SNX24: variants seen among roughly 807,000 people sequenced by gnomAD.
SNX24 encodes sorting nexin 24, also known as sorting nexin-24.
In SNX24, 22 loss-of-function variants were observed where a neutral mutation model predicts 28.7. The observed-to-expected ratio is 0.77, with a 90% confidence interval of 0.55 to 1.10. The LOEUF (loss-of-function observed/expected upper bound fraction) is 1.10, where lower values mean the gene tolerates loss of function less well. Ranked by LOEUF, SNX24 falls within the 50% of genes least tolerant of loss-of-function variation. The pLI is 0.00. For missense variants in SNX24, 221 were observed against 201.1 expected, an observed-to-expected ratio of 1.10 and a Z score of -0.60; for synonymous variants, 69 against 71.5, an observed-to-expected ratio of 0.96 and a Z score of 0.18.
chr5:122,876,402 A>G (rs1344095490), intron 1 of SNX24, among the ~76,000 whole-genome samples: 1 of 152,198 alleles, frequency 6.6e-6, no homozygotes. Context: ...TATATTGGTA[A>G]TGCTGTAAGA....
At chr5:122,856,017 G>T (rs1044319490) in intron 1 of SNX24, among the ~76,000 whole-genome samples, 2 of 152,022 alleles carry the variant, frequency 1.3e-5, no homozygotes, top group African/African-American at 4.8e-5. Context: ...TTGTTATATG[G>T]GTAAATTGCA....
chr5:122,873,726 A>G lies in SNX24; in HGVS notation c.60+28033A>G, dbSNP rs138620336. Among the ~76,000 whole-genome samples the G allele has an allele frequency of 7.0e-3, 1,054 of 150,746 alleles. 14 individuals carry two copies. Among genetic ancestry groups the G allele is most frequent in the African/African-American group, 0.025 (1,010 of 41,088 alleles). On this transcript the variant is annotated intron_variant, in intron 1 of 6. Coordinates refer to ENST00000261369, the MANE Select transcript of SNX24 (RefSeq NM_014035.4). ...CTTTCGGTAGTTTTCTTTTGAAGAA[A>G]TGCCAGCACTCTCTTTCATCTTTCA...
chr5:122,878,757 A>C (rs1282737240), intron 1 of SNX24, among the ~76,000 whole-genome samples: 1 of 152,158 alleles, frequency 6.6e-6, no homozygotes, highest in Non-Finnish European at 1.5e-5. Flanking sequence ...GGATTACTTG[A>C]GGCCAGCAGT....
At chr5:122,892,466 T>A (rs1005273119) in intron 1 of SNX24, among the ~76,000 whole-genome samples, 1 of 151,890 alleles carries the variant, frequency 6.6e-6, no homozygotes, top group Non-Finnish European at 1.5e-5. Context: ...TACTTTTTTT[T>A]ATTGAGACAG....
intron 1 of SNX24, among the ~76,000 whole-genome samples, chr5:122,922,545 G>T (rs1003139681): frequency 6.6e-6 from 1 of 151,886 alleles, no homozygotes; most frequent in Admixed American, 6.6e-5. Flanking sequence ...GAGCCACCTC[G>T]CCTGGCATTG....
At chr5:122,889,707 A>G (rs1304885258) in intron 1 of SNX24, among the ~76,000 whole-genome samples, 2 of 113,622 alleles carry the variant, frequency 1.8e-5, no homozygotes, top group Non-Finnish European at 3.3e-5. Flanking sequence ...GTGTATATAT[A>G]TGTATATATA....
intron 6 of SNX24, among the ~76,000 whole-genome samples, chr5:123,002,657 A>G (rs1477999529): frequency 2.0e-5 from 3 of 152,218 alleles, no homozygotes; most frequent in African/African-American, 4.8e-5. Context: ...CCCCGAAACT[A>G]TGTGTATATA....
At chr5:122,930,200 TG>T (rs938052834) in intron 1 of SNX24, among the ~76,000 whole-genome samples, 2 of 152,224 alleles carry the variant, frequency 1.3e-5, no homozygotes, top group African/African-American at 4.8e-5. Flanking sequence ...TGCTTCCTGC[TG>T]GGCACTTTGT....
At chr5:122,886,357 A>G (rs904802210) in intron 1 of SNX24, among the ~76,000 whole-genome samples, 1 of 152,130 alleles carries the variant, frequency 6.6e-6, no homozygotes, top group East Asian at 1.9e-4. Context: ...CTGTTTATCA[A>G]ACTTAATTCC....
intron 2 of SNX24, among the ~76,000 whole-genome samples, chr5:122,941,515 T>C (rs1229951261): frequency 1.3e-5 from 2 of 152,208 alleles, no homozygotes; most frequent in Non-Finnish European, 2.9e-5. Flanking sequence ...TTAGCTCCCT[T>C]TCTTCCCTAA....
At chr5:122,905,488 A>G (rs1224233878) in intron 1 of SNX24, among the ~76,000 whole-genome samples, 1 of 152,192 alleles carries the variant, frequency 6.6e-6, no homozygotes, top group Non-Finnish European at 1.5e-5. Context: ...AGCATCCCAA[A>G]TTCAAAACTT....
intron 1 of SNX24, among the ~76,000 whole-genome samples, chr5:122,867,599 CTA>C (rs1755778210): frequency 6.6e-6 from 1 of 152,182 alleles, no homozygotes; most frequent in Non-Finnish European, 1.5e-5. Context: ...TGCATAACCT[CTA>C]TTCCTGCCAC....
rs1247498371 is a variant in SNX24, at chr5:122,986,156, AG to A, written c.250-13754del. On this transcript the variant is annotated intron_variant, in intron 3 of 6. Transcript: ENST00000261369. The stretch of plus-strand genomic sequence containing the variant: ...AAGTGGACAGTGATGGGTCATAGAG[AG>A]GCAGGGTTTTTTATTGTTGTTCAAA... 1.1e-4 allele frequency among the ~76,000 whole-genome samples: 16 copies of A among 152,160 alleles called. No individual in the cohort carries two copies. In the South Asian group the frequency reaches 3.3e-3, roughly 32 times the overall value.
chr5:122,897,485 A>T (rs1757251912), intron 1 of SNX24, among the ~76,000 whole-genome samples: 1 of 152,232 alleles, frequency 6.6e-6, no homozygotes, highest in South Asian at 2.1e-4. Context: ...GTTAAAGGAA[A>T]GAATGGATCA....
intron 5 of SNX24, among the ~76,000 whole-genome samples, chr5:123,027,301 C>T (rs1762874238): frequency 6.6e-6 from 1 of 152,054 alleles, no homozygotes; most frequent in Non-Finnish European, 1.5e-5. Context: ...ACAGAAGGGT[C>T]TACACTATAT....
chr5:123,015,538 T>G (rs1269060864), intron 5 of SNX24, among the ~76,000 whole-genome samples: 1 of 152,088 alleles, frequency 6.6e-6, no homozygotes, highest in Non-Finnish European at 1.5e-5. Flanking sequence ...AGGACAGTGG[T>G]TTTCAAAGTG....
intron 3 of SNX24, among the ~76,000 whole-genome samples, chr5:122,956,094 G>A (rs894584192): frequency 5.3e-5 from 8 of 151,556 alleles, no homozygotes; most frequent in African/African-American, 1.9e-4. Context: ...TTTCCTGGTT[G>A]CCACCTTTTC....
chr5:122,905,828 C>G (rs1757625090), intron 1 of SNX24, among the ~76,000 whole-genome samples: 1 of 152,104 alleles, frequency 6.6e-6, no homozygotes, highest in Admixed American at 6.5e-5. Flanking sequence ...TGATTTTTAC[C>G]TGACCCTGAC....
Position 122,999,446 on chromosome 5 carries a change from G to A in SNX24, c.250-466G>A, listed in dbSNP as rs1762163710. On this transcript the variant is annotated intron_variant, in intron 3 of 6. Coordinates refer to ENST00000261369, the MANE Select transcript of SNX24 (RefSeq NM_014035.4). ...ATTTCCTAAATAGTAGTGGTCTCCT[G>A]TGGGGAGATACACACACACACACAC... Among the ~76,000 whole-genome samples the A allele has an allele frequency of 3.3e-5, 4 of 121,088 alleles. No homozygotes were observed. The South Asian group carries it at 9.2e-4, about 28-fold the overall frequency. The allele number at this position is 121,088 out of a possible 152,430, so 79.4% of individuals were successfully genotyped here.
Sources: gnomAD v4.1 joint callset for allele counts (sites outside exome capture counted in the v4.1 genomes callset) on GRCh38, gnomAD v4.1.1 for gene constraint, MANE v1.5 for transcripts, NCBI Gene and HGNC (gene_info 2026-07-23, HGNC 2026-07-21) for gene names.